Variants in CNOT1 observed in about 807,000 individuals in gnomAD.
CNOT1 encodes the protein CCR4-NOT transcription complex subunit 1.
Under a neutral mutation model 273.8 loss-of-function variants are expected in CNOT1, and 15 were observed. The ratio of observed to expected loss-of-function variants is 0.05; its 90% CI spans 0.04 to 0.08. The LOEUF (loss-of-function observed/expected upper bound fraction) is 0.08. Ranked by LOEUF, CNOT1 falls within the 10% of genes least tolerant of loss-of-function variation. The probability of loss-of-function intolerance (pLI) is 1.00; values close to 1 mark genes in which losing one functional copy is unlikely to be tolerated. For missense variants in CNOT1, 1,644 were observed against 2,912.2 expected (o/e 0.56, Z 10.02); for synonymous variants, 1,022 against 1,005.5 (o/e 1.02, Z -0.31).
chr16:58,528,716 C>A, intron 43 of CNOT1, 68 bp from the exon 44 acceptor site: 1 of 1,119,098 alleles, frequency 8.9e-7, no homozygotes, highest in Non-Finnish European at 1.3e-6. Flanking sequence ...CCTATTGTAA[C>A]TTAAGCCCCC....
In CNOT1 at chr16:58,551,818, T is replaced by C. The variant is rs1324553210; in HGVS notation, c.2972A>G (p.Tyr991Cys). Residue 991 changes from tyrosine (Y) to cysteine (C), a missense_variant and splice_region_variant, in exon 23 of 49, where the codon TAT becomes TGT. Physicochemically the swap from Tyr to Cys is radical, Grantham distance 194. This residue lies in a region of CNOT1 where 77 missense variants were observed against 90.5 expected (regional missense o/e 0.85). Coordinates refer to ENST00000317147, the MANE Select transcript of CNOT1 (RefSeq NM_016284.5). ...TCTAGACTGCTGTCCATACTCAATATACTAAAAGGGTAGGGAGAGGAAAAA... is the reference window on the plus strand; with the variant it reads ...TCTAGACTGCTGTCCATACTCAATACACTAAAAGGGTAGGGAGAGGAAAAA... The part of the protein sequence containing the change: ...FMQFPHHLQE[Y>C]IEYGQQSRDP... 2 of 1,614,088 alleles carry C rather than the reference T, an allele frequency of 1.2e-6. No homozygotes were observed. Among genetic ancestry groups the C allele is most frequent in the Non-Finnish European group, 1.7e-6 (2 of 1,179,978 alleles).
intron 2 of CNOT1, among the ~76,000 whole-genome samples, chr16:58,589,263 A>G (rs1026093390): frequency 6.6e-6 from 1 of 152,220 alleles, no homozygotes; most frequent in African/African-American, 2.4e-5. Flanking sequence ...CTGTAATCCC[A>G]GCACTTTGGG....
In CNOT1 at chr16:58,551,289, A is replaced by T; in HGVS notation, c.3202-17T>A. 6.4e-7 allele frequency: 1 copy of T among 1,559,172 alleles called. No homozygotes were observed. The highest frequency in any genetic ancestry group is 8.6e-7 in the Non-Finnish European group (1 of 1,161,552). On this transcript the variant is annotated splice_polypyrimidine_tract_variant and intron_variant, in intron 23 of 48. Transcript: ENST00000317147. ...AATAGAAGGCTAAAAAAAAAAAATA[A>T]AGTACATAAGGCAAATAAGTTGAAA... is the stretch of plus-strand genomic sequence containing the variant.
chr16:58,582,954 C>G (rs772427297), intron 9 of CNOT1, 51 bp from the exon 10 acceptor site: 3 of 1,612,434 alleles, frequency 1.9e-6, no homozygotes, highest in South Asian at 1.1e-5. Context: ...CATGTGTTCA[C>G]TTCTGGTCGA....
At chr16:58,574,910 AGTTT>A (rs1305146951) in intron 15 of CNOT1, 93 bp downstream of exon 15, 40 of 1,558,652 alleles carry the variant, frequency 2.6e-5, no homozygotes, top group Non-Finnish European at 5.2e-6. Flanking sequence ...ATTTTTCTTT[AGTTT>A]ATTACTGCTG....
rs1007968094 is a variant in CNOT1, at chr16:58,547,614, A to G, written c.3591T>C (p.His1197=). Residue 1197 remains histidine (H), a synonymous_variant, in exon 26 of 49, where the codon CAT becomes CAC. Coordinates refer to ENST00000317147, the MANE Select transcript of CNOT1 (RefSeq NM_016284.5). The surrounding 1 kb of genome is among the most constrained non-coding windows in gnomAD (Gnocchi z 4.0). ...TAGCTAATGTGATCATTCCTAGCCA[A>G]TGTCCCAAGTTCTTCAGCAAAGAAC... is the stretch of plus-strand genomic sequence containing the variant. ...SDRSLLKNLG[H]WLGMITLAKN... 2.5e-6 allele frequency: 4 copies of G among 1,613,714 alleles called. No homozygotes were observed. The highest frequency in any genetic ancestry group is 3.4e-6 in the Non-Finnish European group (4 of 1,179,848).
intron 17 of CNOT1, among the ~76,000 whole-genome samples, chr16:58,559,171 T>C (rs2040746787): frequency 6.6e-6 from 1 of 152,168 alleles, no homozygotes; most frequent in African/African-American, 2.4e-5. Context: ...AGGTATGGAA[T>C]TTTCTACTTG....
chr16:58,526,554 T>C (rs1446040933), intron 44 of CNOT1, among the ~76,000 whole-genome samples: 3 of 144,480 alleles, frequency 2.1e-5, no homozygotes, highest in Non-Finnish European at 4.5e-5. Context: ...CCGGGCGCAG[T>C]GGCTCACGCC....
intron 14 of CNOT1, among the ~76,000 whole-genome samples, chr16:58,576,110 CCTTTTTT>C: frequency 6.6e-6 from 1 of 151,888 alleles, no homozygotes; most frequent in South Asian, 2.1e-4. Flanking sequence ...TACTTTTTTT[CCTTTTTT>C]CTTTTTTTTT....
At chr16:58,573,484 T>C (rs1164358718) in intron 16 of CNOT1, among the ~76,000 whole-genome samples, 10 of 142,404 alleles carry the variant, frequency 7.0e-5, no homozygotes, top group African/African-American at 2.4e-4. Context: ...GCAATTTTTT[T>C]TTTTTTTTTT....
In CNOT1 at chr16:58,542,453, G is replaced by A; in HGVS notation, c.4550C>T (p.Pro1517Leu). Residue 1517 changes from proline to leucine, a missense_variant, in exon 32 of 49, where the codon CCT becomes CTT. Physicochemically the swap from Pro to Leu is moderately conservative, Grantham distance 98. This residue lies in a region of CNOT1 where 133 missense variants were observed against 230.4 expected (regional missense o/e 0.58). Coordinates refer to ENST00000317147, the MANE Select transcript of CNOT1 (RefSeq NM_016284.5). The stretch of plus-strand genomic sequence containing the variant: ...AGTTGCTAATCTCTTGTCCATCTCA[G>A]GGCCTGCTTTTTCTACTGCAGTCTT... The part of the protein sequence containing the change: ...IQKTAVEKAG[P>L]EMDKRLATEF... The A allele has an allele frequency of 6.2e-7, 1 of 1,614,062 alleles. No homozygotes were observed. The highest frequency in any genetic ancestry group is 8.5e-7 in the Non-Finnish European group (1 of 1,180,030).
chr16:58,605,894 G>A (rs2042658882), intron 1 of CNOT1, among the ~76,000 whole-genome samples: 1 of 152,142 alleles, frequency 6.6e-6, no homozygotes, highest in Non-Finnish European at 1.5e-5. Flanking sequence ...GGGGCTCAGC[G>A]ATCCCTCTGC....
intron 44 of CNOT1, among the ~76,000 whole-genome samples, chr16:58,527,436 A>G (rs2039632720): frequency 6.6e-6 from 1 of 151,890 alleles, no homozygotes; most frequent in African/African-American, 2.4e-5. Flanking sequence ...CTGAGGCAGG[A>G]GAATCACTGG....
At chr16:58,541,360 G>A (rs2040091432) in intron 34 of CNOT1, 141 bp downstream of exon 34, 8 of 1,323,838 alleles carry the variant, frequency 6.0e-6, no homozygotes, top group Non-Finnish European at 8.1e-6. Context: ...TGGACACAAA[G>A]AATACCTACA....
At chr16:58,604,798 AAAAAAAAAAACAAAAAAC>A (rs1460862851) in intron 1 of CNOT1, among the ~76,000 whole-genome samples, 18 of 136,296 alleles carry the variant, frequency 1.3e-4, no homozygotes, top group African/African-American at 4.5e-4. Context: ...ACTCCGTCTA[AAAAAAAAAAACAAAAAAC>A]AAAAAAAAAA....
At chr16:58,584,407 T>C (rs1294182547) in intron 8 of CNOT1, among the ~76,000 whole-genome samples, 1 of 151,790 alleles carries the variant, frequency 6.6e-6, no homozygotes, top group African/African-American at 2.4e-5. Flanking sequence ...CTTGGCTCAC[T>C]GCAATCTCCA....
At chr16:58,593,701 T>G (rs1008984437) in intron 2 of CNOT1, among the ~76,000 whole-genome samples, 1 of 151,994 alleles carries the variant, frequency 6.6e-6, no homozygotes, top group African/African-American at 2.4e-5. Flanking sequence ...CATTCCAACC[T>G]AGGCAACAGA....
At chr16:58,604,791 C>T (rs2042610097) in intron 1 of CNOT1, among the ~76,000 whole-genome samples, 1 of 138,244 alleles carries the variant, frequency 7.2e-6, no homozygotes, top group Non-Finnish European at 1.5e-5. Flanking sequence ...GAGCGAAACT[C>T]CGTCTAAAAA....
At chr16:58,582,937 A>G (rs373870125) in intron 9 of CNOT1, 34 bp from the exon 10 acceptor site, 3 of 1,613,474 alleles carry the variant, frequency 1.9e-6, no homozygotes, top group South Asian at 2.2e-5. Context: ...AACAAACCCA[A>G]CTACTCCATG....
Sources: gnomAD v4.1 joint callset for allele counts (sites outside exome capture counted in the v4.1 genomes callset) on GRCh38, gnomAD v4.1.1 for gene constraint, gnomAD v4.1.1 regional missense constraint, Gnocchi (gnomAD v3.1) non-coding constraint, MANE v1.5 for transcripts, NCBI Gene and HGNC (gene_info 2026-07-23, HGNC 2026-07-21) for gene names.